Variants in OSTN observed in about 807,000 individuals in gnomAD.
OSTN encodes osteocrin.
Under a neutral mutation model 12.0 loss-of-function variants are expected in OSTN, and 9 were observed. The ratio of observed to expected loss-of-function variants is 0.75; its 90% CI spans 0.45 to 1.30. The LOEUF is 1.30. OSTN is among the 50% of genes most tolerant of loss of function. OSTN has a pLI of 0.00. For synonymous variants in OSTN, 59 were observed against 56.9 expected (o/e 1.04, Z -0.16); for missense variants, 148 against 152.3 (o/e 0.97, Z 0.15).
chr3:191,252,121 G>T (rs80189797), intron 4 of OSTN, among the ~76,000 whole-genome samples: 5 of 152,102 alleles, frequency 3.3e-5, no homozygotes, highest in African/African-American at 1.2e-4. Context: ...GTGCAGTTGC[G>T]TGATCTCGGC....
intron 1 of OSTN, among the ~76,000 whole-genome samples, chr3:191,204,208 T>G (rs6793076): frequency 2.6e-4 from 40 of 151,972 alleles, no homozygotes; most frequent in African/African-American, 9.7e-4. Context: ...AATTTTTTTT[T>G]AACGGGAAAT....
At chr3:191,206,374 G>A (rs1348816726) in intron 1 of OSTN, among the ~76,000 whole-genome samples, 1 of 152,036 alleles carries the variant, frequency 6.6e-6, no homozygotes, top group Non-Finnish European at 1.5e-5. Flanking sequence ...TACCATAAAT[G>A]ACATCCCAAA....
intron 3 of OSTN, among the ~76,000 whole-genome samples, chr3:191,233,375 A>G (rs1715108908): frequency 6.6e-6 from 1 of 152,178 alleles, no homozygotes; most frequent in South Asian, 2.1e-4. Context: ...TTTGAAGCCC[A>G]AAATATTTTT....
chr3:191,236,230 T>C (rs1437819615), intron 3 of OSTN, among the ~76,000 whole-genome samples: 1 of 152,216 alleles, frequency 6.6e-6, no homozygotes, highest in Non-Finnish European at 1.5e-5. Context: ...CTCAGCCTTT[T>C]AAAGCCACAG....
At chr3:191,210,978 T>C (rs1714404079) in intron 1 of OSTN, among the ~76,000 whole-genome samples, 1 of 152,216 alleles carries the variant, frequency 6.6e-6, no homozygotes, top group Non-Finnish European at 1.5e-5. Flanking sequence ...GGCTTTTTAA[T>C]CTAAAACGTC....
At chr3:191,258,021 C>T (rs888637428) in intron 4 of OSTN, among the ~76,000 whole-genome samples, 1 of 152,122 alleles carries the variant, frequency 6.6e-6, no homozygotes, top group Admixed American at 6.5e-5. Context: ...ACTCACTAGT[C>T]TAAAAAGACA....
In OSTN at chr3:191,241,167, CTTTTTTTTTTTTTT is replaced by C. The variant is rs575332839; in HGVS notation, c.318-8854_318-8841del. Among the ~76,000 whole-genome samples the C allele has an allele frequency of 1.4e-3, 65 of 46,470 alleles. 1 individual carries two copies. Among genetic ancestry groups the C allele is most frequent in the Middle Eastern group, 0.019 (1 of 52 alleles). The allele number at this position is 46,470 out of a possible 152,430, so 30.5% of individuals were successfully genotyped here. A position where few individuals can be genotyped will look rare whatever the true frequency, so the allele number is the denominator to read the frequency against. ...AAGTTGGTGGAGCTCTGTGCCTTGA[CTTTTTTTTTTTTTT>C]TTTTTTTTTTTTTTTGAGACGGAGC... On this transcript the variant is annotated intron_variant, in intron 3 of 4. Coordinates refer to ENST00000682035, the MANE Select transcript of OSTN (RefSeq NM_198184.2).
intron 2 of OSTN, among the ~76,000 whole-genome samples, chr3:191,216,120 C>A (rs979167364): frequency 2.6e-5 from 4 of 151,958 alleles, no homozygotes; most frequent in African/African-American, 7.2e-5. Context: ...AATGTACCAG[C>A]AGGCCCCCAA....
intron 4 of OSTN, among the ~76,000 whole-genome samples, chr3:191,255,527 G>T (rs975564430): frequency 6.6e-6 from 1 of 152,116 alleles, no homozygotes; most frequent in African/African-American, 2.4e-5. Flanking sequence ...GTCTGCAATT[G>T]TGTACTGTTA....
intron 4 of OSTN, among the ~76,000 whole-genome samples, chr3:191,252,787 A>G (rs1007828437): frequency 2.0e-5 from 3 of 152,220 alleles, no homozygotes; most frequent in African/African-American, 7.2e-5. Flanking sequence ...TTTCCAATCT[A>G]ATTTTCAAAG....
At chr3:191,200,711 A>G (rs1714134185) in intron 1 of OSTN, among the ~76,000 whole-genome samples, 1 of 152,148 alleles carries the variant, frequency 6.6e-6, no homozygotes, top group African/African-American at 2.4e-5. Context: ...GGAAGCCCCC[A>G]TGTCAGTCAA....
chr3:191,229,585 A>G (rs1199304306), intron 3 of OSTN, among the ~76,000 whole-genome samples: 1 of 152,166 alleles, frequency 6.6e-6, no homozygotes, highest in Non-Finnish European at 1.5e-5. Context: ...TAAATTCCTT[A>G]AAAAACTAAG....
At chr3:191,241,024 T>A (rs1715304958) in intron 3 of OSTN, among the ~76,000 whole-genome samples, 1 of 152,234 alleles carries the variant, frequency 6.6e-6, no homozygotes, top group Non-Finnish European at 1.5e-5. Flanking sequence ...AGTACACTCA[T>A]GTAAGGTTTA....
intron 3 of OSTN, among the ~76,000 whole-genome samples, chr3:191,222,536 T>C (rs1714793953): frequency 2.0e-5 from 3 of 152,230 alleles, no homozygotes; most frequent in Non-Finnish European, 4.4e-5. Flanking sequence ...AATTTGCTTT[T>C]GATTTTCAGG....
rs536429953 is a variant in OSTN at position 191,236,749 on chromosome 3, T to C, written c.318-13288T>C. ...TTTTCTGGACCTGCTAAGTCCTGGA[T>C]CTCTTCCATAAACATTATTAACTTG... On this transcript the variant is annotated intron_variant, in intron 3 of 4. Coordinates refer to ENST00000682035, the MANE Select transcript of OSTN (RefSeq NM_198184.2). 7.2e-5 allele frequency among the ~76,000 whole-genome samples: 11 copies of C among 152,280 alleles called. No homozygotes were observed. The East Asian group carries it at 1.5e-3, about 21-fold the overall frequency.
chr3:191,206,788 C>T (rs1714285106), intron 1 of OSTN, among the ~76,000 whole-genome samples: 1 of 152,212 alleles, frequency 6.6e-6, no homozygotes, highest in South Asian at 2.1e-4. Context: ...GAGAGCTATG[C>T]AGACTTTGTG....
intron 3 of OSTN, among the ~76,000 whole-genome samples, chr3:191,230,562 CAAAA>C (rs35542147): frequency 1.1e-3 from 41 of 36,438 alleles, no homozygotes; most frequent in African/African-American, 4.0e-3. Context: ...GACTCCGTCT[CAAAA>C]AAAAAAAAAA....
At chr3:191,243,852 A>G (rs1425561869) in intron 3 of OSTN, among the ~76,000 whole-genome samples, 6 of 152,138 alleles carry the variant, frequency 3.9e-5, no homozygotes, top group Admixed American at 3.9e-4. Flanking sequence ...ATCGTACTCA[A>G]TTCCTTTTAA....
At chr3:191,210,802 T>C (rs1394296949) in intron 1 of OSTN, among the ~76,000 whole-genome samples, 1 of 152,186 alleles carries the variant, frequency 6.6e-6, no homozygotes, top group Non-Finnish European at 1.5e-5. Context: ...ATGTACTAAG[T>C]GGCAAAGCTT....
Sources: allele counts gnomAD v4.1 joint callset (sites outside exome capture counted in the v4.1 genomes callset), GRCh38; gene constraint gnomAD v4.1.1; transcripts MANE v1.5; gene names NCBI Gene and HGNC (gene_info 2026-07-23, HGNC 2026-07-21).